The following ADAM12 variants were observed in gnomAD, a reference collection of about 807,000 sequenced individuals.
ADAM12 encodes disintegrin and metalloproteinase domain-containing protein 12.
Under a neutral mutation model 106.4 loss-of-function variants are expected in ADAM12, and 70 were observed. The observed-to-expected ratio is 0.66, with a 90% CI of 0.54 to 0.80. The LOEUF (loss-of-function observed/expected upper bound fraction) is 0.80. ADAM12 is among the 30% of genes least tolerant of loss of function. The pLI is 0.00. For synonymous variants in ADAM12, 420 were observed against 433.5 expected (o/e 0.97, Z 0.39); for missense variants, 1,010 against 1,171.9 (o/e 0.86, Z 2.02).
chr10:126,117,551 G>A (rs1212768474), intron 6 of ADAM12, among the ~76,000 whole-genome samples: 1 of 152,116 alleles, frequency 6.6e-6, no homozygotes, highest in African/African-American at 2.4e-5. Flanking sequence ...CAAAGAGTGA[G>A]AATTCTCTGC....
chr10:126,284,450 C>T (rs1959748840), intron 2 of ADAM12, among the ~76,000 whole-genome samples: 1 of 152,014 alleles, frequency 6.6e-6, no homozygotes, highest in East Asian at 1.9e-4. Context: ...TGCACTAATG[C>T]CACCCTGTGT....
chr10:126,187,469 G>T (rs1397308259), intron 3 of ADAM12, among the ~76,000 whole-genome samples: 8 of 152,194 alleles, frequency 5.3e-5, no homozygotes, highest in African/African-American at 1.9e-4. Flanking sequence ...AGGCGCCGGG[G>T]TGCCCAGCAA....
intron 3 of ADAM12, among the ~76,000 whole-genome samples, chr10:126,264,409 G>C (rs1454778156): frequency 6.6e-6 from 1 of 152,168 alleles, no homozygotes. Flanking sequence ...CCCTCCTGTG[G>C]GGGCTTGGTT....
chr10:126,250,497 T>C (rs1958723799), intron 3 of ADAM12, among the ~76,000 whole-genome samples: 1 of 152,232 alleles, frequency 6.6e-6, no homozygotes, highest in South Asian at 2.1e-4. Context: ...CTTAAGTTTC[T>C]CTCAAGCCTT....
chr10:126,078,325 TGAACCTG>T (rs1955142503), intron 11 of ADAM12, among the ~76,000 whole-genome samples: 2 of 152,342 alleles, frequency 1.3e-5, no homozygotes, highest in South Asian at 4.2e-4. Flanking sequence ...CAATATGACC[TGAACCTG>T]GTCCCATGCC....
At chr10:126,160,369 C>T (rs1384973779) in intron 3 of ADAM12, among the ~76,000 whole-genome samples, 1 of 152,050 alleles carries the variant, frequency 6.6e-6, no homozygotes, top group Non-Finnish European at 1.5e-5. Context: ...AAATAAATAC[C>T]AACTCCCCCC....
At chr10:126,236,145 G>A (rs555520965) in intron 3 of ADAM12, among the ~76,000 whole-genome samples, 1 of 152,356 alleles carries the variant, frequency 6.6e-6, no homozygotes, top group Non-Finnish European at 1.5e-5. Context: ...CCTCACTTGG[G>A]AGCAAAGAAG....
chr10:126,386,986 C>G (rs1856684097), intron 1 of ADAM12, among the ~76,000 whole-genome samples: 1 of 152,192 alleles, frequency 6.6e-6, no homozygotes, highest in South Asian at 2.1e-4. Context: ...TGGGTTTTAG[C>G]CACATTACAG....
Position 126,054,465 on chromosome 10 carries a change from G to A in ADAM12, c.1610-4796C>T, listed in dbSNP as rs1431239565. Among the ~76,000 whole-genome samples the A allele has an allele frequency of 3.3e-5, 5 of 152,216 alleles. 1 individual carries two copies. The highest frequency in any genetic ancestry group is 1.2e-4 in the African/African-American group (5 of 41,452). On this transcript the variant is annotated intron_variant, in intron 14 of 22. Coordinates refer to ENST00000448723, the MANE Select transcript of ADAM12 (RefSeq NM_001288973.2). ...AGAGAGTGACAGGTCAGTGGTTAGC[G>A]ATTCTTTTTGCTGGCTACTTTCAGG...
intron 1 of ADAM12, among the ~76,000 whole-genome samples, chr10:126,377,487 T>C (rs1407373838): frequency 6.6e-6 from 1 of 152,148 alleles, no homozygotes; most frequent in Non-Finnish European, 1.5e-5. Flanking sequence ...GCCTGCTTTA[T>C]GTTCTGGCCA....
chr10:126,086,664 AAAAAAAAAAAAAAAAAATATAT>A (rs1221856333), intron 11 of ADAM12, among the ~76,000 whole-genome samples: 3 of 48,384 alleles, frequency 6.2e-5, no homozygotes, highest in African/African-American at 1.8e-4. Flanking sequence ...AAAAAAAAAA[AAAAAAAAAAAAAAAAAATATAT>A]ATATATATAT....
At chr10:126,267,829 G>A (rs1959130054) in intron 3 of ADAM12, among the ~76,000 whole-genome samples, 3 of 151,926 alleles carry the variant, frequency 2.0e-5, no homozygotes, top group African/African-American at 7.3e-5. Flanking sequence ...GGGGGCGGTG[G>A]GGGTGGATTT....
intron 5 of ADAM12, among the ~76,000 whole-genome samples, chr10:126,125,446 T>A (rs747473077): frequency 7.2e-5 from 11 of 152,062 alleles, no homozygotes; most frequent in Non-Finnish European, 2.9e-5. Context: ...GGTTTCACCA[T>A]GTTGGCCAGG....
intron 1 of ADAM12, among the ~76,000 whole-genome samples, chr10:126,379,880 T>C (rs1220207693): frequency 1.3e-5 from 2 of 152,194 alleles, no homozygotes; most frequent in Non-Finnish European, 2.9e-5. Flanking sequence ...AGGAATCTTT[T>C]GGCCAAATTG....
chr10:126,111,575 G>A (rs369790780), intron 6 of ADAM12, among the ~76,000 whole-genome samples: 1 of 151,548 alleles, frequency 6.6e-6, no homozygotes, highest in African/African-American at 2.4e-5. Context: ...TTGTTTAGAC[G>A]TTTACACTTT....
intron 2 of ADAM12, among the ~76,000 whole-genome samples, chr10:126,297,519 C>T (rs1447340083): frequency 6.6e-6 from 1 of 152,174 alleles, no homozygotes; most frequent in Non-Finnish European, 1.5e-5. Flanking sequence ...CACTGCACTC[C>T]AGCCTGGGTG....
chr10:126,270,478 T>C (rs1330092690), intron 3 of ADAM12, among the ~76,000 whole-genome samples: 2 of 152,376 alleles, frequency 1.3e-5, no homozygotes, highest in South Asian at 2.1e-4. Flanking sequence ...TATTGAATAC[T>C]TGAACTGTGG....
chr10:126,288,394 C>T (rs564878962), intron 2 of ADAM12, among the ~76,000 whole-genome samples: 10 of 152,316 alleles, frequency 6.6e-5, no homozygotes, highest in Non-Finnish European at 1.5e-4. Context: ...GATTCCACAT[C>T]CTCCTGCTCA....
chr10:126,371,497 C>A (rs1184641922), intron 1 of ADAM12, among the ~76,000 whole-genome samples: 1 of 152,178 alleles, frequency 6.6e-6, no homozygotes, highest in East Asian at 1.9e-4. Flanking sequence ...TCTTTCCATT[C>A]ACTTACGTTT....
Sources: gnomAD v4.1 joint callset for allele counts (sites outside exome capture counted in the v4.1 genomes callset) on GRCh38, gnomAD v4.1.1 for gene constraint, MANE v1.5 for transcripts, NCBI Gene and HGNC (gene_info 2026-07-23, HGNC 2026-07-21) for gene names.